The following PPP2R2C variants were observed in gnomAD, a reference collection of about 807,000 sequenced individuals.
PPP2R2C encodes protein phosphatase 2, regulatory subunit B, gamma.
In PPP2R2C, 10 loss-of-function variants were observed where a neutral mutation model predicts 45.3. The ratio of observed to expected loss-of-function variants is 0.22; its 90% CI spans 0.14 to 0.37. The LOEUF is 0.37. Among genes scored for constraint, PPP2R2C ranks in the 10% least tolerant of loss-of-function variants. The pLI is 1.00. For missense variants in PPP2R2C, 308 were observed against 619.7 expected, an observed-to-expected ratio of 0.50 and a Z score of 5.34; for synonymous variants, 257 against 245.4, an observed-to-expected ratio of 1.05 and a Z score of -0.44.
chr4:6,446,462 G>A (rs1371509980), intron 1 of PPP2R2C, among the ~76,000 whole-genome samples: 9 of 152,038 alleles, frequency 5.9e-5, no homozygotes, highest in Admixed American at 1.3e-4. Context: ...CAAAGATCAC[G>A]TTGCCTCCCT....
intron 2 of PPP2R2C, among the ~76,000 whole-genome samples, chr4:6,486,044 A>G (rs927900371): frequency 6.6e-6 from 1 of 151,960 alleles, no homozygotes. Context: ...TTTCCCTCTA[A>G]GTATGGTTTT....
chr4:6,384,660 GT>G, intron 1 of PPP2R2C: 1 of 985,422 alleles, frequency 1.0e-6, no homozygotes, highest in Non-Finnish European at 1.2e-6. Context: ...AGTAAATGCA[GT>G]CCACAAATGC....
intron 1 of PPP2R2C, among the ~76,000 whole-genome samples, chr4:6,396,763 C>G (rs1394179986): frequency 6.6e-6 from 1 of 152,250 alleles, no homozygotes; most frequent in Admixed American, 6.5e-5. Context: ...ACAATCAGGT[C>G]TTCGGGTTGG....
intron 1 of PPP2R2C, among the ~76,000 whole-genome samples, chr4:6,467,170 A>G (rs997415307): frequency 1.3e-5 from 2 of 152,196 alleles, no homozygotes; most frequent in African/African-American, 4.8e-5. Context: ...CGAAAGGAAC[A>G]CAGAATCTGA....
intron 1 of PPP2R2C, chr4:6,381,771 C>G (rs749037280): frequency 1.2e-6 from 2 of 1,611,750 alleles, no homozygotes; most frequent in Non-Finnish European, 8.5e-7. Context: ...GGAGTCACCC[C>G]CATACCTGGA....
chr4:6,432,135 CT>C (rs1719659559), intron 1 of PPP2R2C, among the ~76,000 whole-genome samples: 1 of 152,208 alleles, frequency 6.6e-6, no homozygotes, highest in Non-Finnish European at 1.5e-5. Context: ...CAGCAGTAGG[CT>C]TTGATGAGCG....
chr4:6,560,851 G>A (rs996938739), intron 1 of PPP2R2C, among the ~76,000 whole-genome samples: 3 of 152,244 alleles, frequency 2.0e-5, no homozygotes, highest in Admixed American at 6.5e-5. Context: ...AGCATGGAGC[G>A]TGTGCTCCTG....
intron 1 of PPP2R2C, among the ~76,000 whole-genome samples, chr4:6,397,020 G>A (rs1178469991): frequency 2.0e-5 from 3 of 152,040 alleles, no homozygotes; most frequent in Non-Finnish European, 1.5e-5. Flanking sequence ...ATTGACTCCC[G>A]CGCACTGATG....
chr4:6,406,289 G>A (rs1182439546), intron 1 of PPP2R2C, among the ~76,000 whole-genome samples: 1 of 152,114 alleles, frequency 6.6e-6, no homozygotes, highest in Non-Finnish European at 1.5e-5. Context: ...ACCTTCCATG[G>A]GGAAGTTGGT....
At chr4:6,522,199 G>A (rs760831649) in intron 2 of PPP2R2C, among the ~76,000 whole-genome samples, 2 of 152,222 alleles carry the variant, frequency 1.3e-5, no homozygotes, top group Non-Finnish European at 2.9e-5. Flanking sequence ...ACCCCAGGAA[G>A]AGGGTATCTG....
chr4:6,397,577 C>T (rs1717127872), intron 1 of PPP2R2C, among the ~76,000 whole-genome samples: 1 of 86,058 alleles, frequency 1.2e-5, no homozygotes, highest in South Asian at 3.9e-4. Flanking sequence ...AAGTTCTTGG[C>T]TAGGGGTGTG....
rs950008776 is a variant in PPP2R2C, at chr4:6,360,184, T to C, written c.626-12174A>G. ...GGAGAGGGAGGCCCAGGGTGGGCAGTGATTTGCCCAGGGCCACATGCAGAG... is the reference window on the plus strand; with the variant it reads ...GGAGAGGGAGGCCCAGGGTGGGCAGCGATTTGCCCAGGGCCACATGCAGAG... On this transcript the variant is annotated intron_variant, in intron 5 of 8. Transcript: ENST00000382599. Among the ~76,000 whole-genome samples the C allele has an allele frequency of 2.0e-5, 3 of 152,324 alleles. No homozygotes were observed. In the East Asian group the frequency reaches 5.8e-4, roughly 29 times the overall value.
intron 2 of PPP2R2C, among the ~76,000 whole-genome samples, chr4:6,484,299 A>G (rs1722463760): frequency 6.6e-6 from 1 of 151,974 alleles, no homozygotes; most frequent in Admixed American, 6.6e-5. Flanking sequence ...CCATATATGC[A>G]TGCATCTATT....
chr4:6,487,707 T>C (rs530931543), intron 2 of PPP2R2C, among the ~76,000 whole-genome samples: 2 of 152,184 alleles, frequency 1.3e-5, no homozygotes, highest in African/African-American at 4.8e-5. Flanking sequence ...CCCATTTTTA[T>C]TGTGCTTGTG....
intron 1 of PPP2R2C, among the ~76,000 whole-genome samples, chr4:6,388,356 T>C (rs1468037390): frequency 2.0e-5 from 3 of 152,170 alleles, no homozygotes; most frequent in Non-Finnish European, 4.4e-5. Context: ...TGGGCAAAGA[T>C]GGTATCGTGG....
At chr4:6,508,096 T>C (rs976885425) in intron 2 of PPP2R2C, among the ~76,000 whole-genome samples, 2 of 152,098 alleles carry the variant, frequency 1.3e-5, no homozygotes, top group African/African-American at 4.8e-5. Flanking sequence ...CCCCAGTCTC[T>C]AAAAATAAAA....
At chr4:6,334,363 C>A (rs1732667987) in intron 6 of PPP2R2C, among the ~76,000 whole-genome samples, 1 of 152,200 alleles carries the variant, frequency 6.6e-6, no homozygotes, top group Non-Finnish European at 1.5e-5. Flanking sequence ...AGCACCTGCT[C>A]TGCACAGGAA....
chr4:6,391,051 G>C (rs1185043972), intron 1 of PPP2R2C, among the ~76,000 whole-genome samples: 1 of 152,164 alleles, frequency 6.6e-6, no homozygotes, highest in Non-Finnish European at 1.5e-5. Context: ...CTTGGCTGGA[G>C]GAAAATGTGA....
intron 8 of PPP2R2C, among the ~76,000 whole-genome samples, chr4:6,327,150 G>A (rs970585999): frequency 1.3e-5 from 2 of 152,184 alleles, no homozygotes; most frequent in Non-Finnish European, 2.9e-5. Flanking sequence ...GGACACACCT[G>A]AGGTCCCCAG....
Sources: gnomAD v4.1 joint callset for allele counts (sites outside exome capture counted in the v4.1 genomes callset) on GRCh38, gnomAD v4.1.1 for gene constraint, MANE v1.5 for transcripts, NCBI Gene and HGNC (gene_info 2026-07-23, HGNC 2026-07-21) for gene names.